The following CNKSR2 variants were observed in gnomAD, a reference collection of about 807,000 sequenced individuals.
CNKSR2 encodes the protein connector enhancer of kinase suppressor of Ras 2.
In CNKSR2, 14 loss-of-function variants were observed where a neutral mutation model predicts 84.4. The observed-to-expected ratio is 0.17, with a 90% CI of 0.11 to 0.26. CNKSR2 has a LOEUF of 0.26. Ranked by LOEUF, CNKSR2 falls within the 10% of genes least tolerant of loss-of-function variation. CNKSR2 has a pLI of 1.00. For missense variants in CNKSR2, 485 were observed against 771.2 expected (o/e 0.63, Z 4.40); for synonymous variants, 275 against 277.9 (o/e 0.99, Z 0.10).
chrX:21,537,789 T>G (rs2091942564), intron 11 of CNKSR2: 1 of 109,120 alleles, frequency 9.2e-6, no homozygotes. Flanking sequence ...GGGTCTTGTT[T>G]TTTTTTTTTT....
At chrX:21,544,066 A>G (rs2092000442) in intron 11 of CNKSR2, among the ~76,000 whole-genome samples, 1 of 112,017 alleles carries the variant, frequency 8.9e-6, no homozygotes, top group Non-Finnish European at 1.9e-5. Flanking sequence ...GCTGCTCATA[A>G]ATAAAAATGT....
chrX:21,542,524 A>T (rs1280408965), intron 11 of CNKSR2, among the ~76,000 whole-genome samples: 1 of 111,958 alleles, frequency 8.9e-6, no homozygotes, highest in Non-Finnish European at 1.9e-5. Context: ...CATTTTAACT[A>T]TATAGGGTCT....
chrX:21,459,915 C>T (rs1021510464), intron 4 of CNKSR2, among the ~76,000 whole-genome samples: 6 of 111,654 alleles, frequency 5.4e-5, no homozygotes, highest in Non-Finnish European at 1.9e-5. Context: ...TCATTTTTCT[C>T]TGACTCTTAC....
intron 6 of CNKSR2, chrX:21,491,759 TC>T (rs2091444858): frequency 8.9e-6 from 1 of 112,054 alleles, no homozygotes; most frequent in African/African-American, 3.2e-5. Flanking sequence ...GTAATTATAA[TC>T]TAAAATTTTT....
intron 20 of CNKSR2, among the ~76,000 whole-genome samples, chrX:21,611,908 C>G (rs1403396103): frequency 8.9e-6 from 1 of 111,796 alleles, no homozygotes; most frequent in Non-Finnish European, 1.9e-5. Flanking sequence ...CTTTCAGGCC[C>G]CATTTCTTTC....
chrX:21,392,113 A>G (rs987259883), intron 1 of CNKSR2, among the ~76,000 whole-genome samples: 2 of 111,797 alleles, frequency 1.8e-5, no homozygotes, highest in African/African-American at 3.3e-5. Flanking sequence ...TTGACTGTCC[A>G]TATCACTATC....
intron 13 of CNKSR2, among the ~76,000 whole-genome samples, chrX:21,583,784 A>C (rs988225383): frequency 3.6e-5 from 4 of 111,679 alleles, no homozygotes; most frequent in Non-Finnish European, 7.5e-5. Flanking sequence ...TTTGAGGATA[A>C]GAATGACCCA....
chrX:21,578,602 C>T (rs1268086155), intron 13 of CNKSR2, among the ~76,000 whole-genome samples: 1 of 106,393 alleles, frequency 9.4e-6, no homozygotes, highest in East Asian at 2.9e-4. Flanking sequence ...AAATTATTTC[C>T]ACTGTGCTGA....
intron 17 of CNKSR2, among the ~76,000 whole-genome samples, chrX:21,596,590 G>T (rs2092452036): frequency 9.1e-6 from 1 of 110,142 alleles, no homozygotes; most frequent in Non-Finnish European, 1.9e-5. Flanking sequence ...AAATTTGCTT[G>T]AACATACTAA....
intron 1 of CNKSR2, among the ~76,000 whole-genome samples, chrX:21,388,520 CAAT>C (rs1425260693): frequency 9.0e-6 from 1 of 111,697 alleles, no homozygotes; most frequent in Non-Finnish European, 1.9e-5. Context: ...TCAAAAAACA[CAAT>C]GATGAGGGCA....
intron 4 of CNKSR2, among the ~76,000 whole-genome samples, chrX:21,457,918 A>G (rs1402617106): frequency 4.5e-5 from 5 of 111,933 alleles, no homozygotes; most frequent in Non-Finnish European, 9.4e-5. Flanking sequence ...GCTCTTGACA[A>G]CTCTACAAAG....
chrX:21,449,366 T>C (rs1326383667), intron 4 of CNKSR2, among the ~76,000 whole-genome samples: 1 of 107,742 alleles, frequency 9.3e-6, no homozygotes, highest in Non-Finnish European at 1.9e-5. Flanking sequence ...TAGCAGAATG[T>C]AACCTTAGGT....
At position 21,424,152 on chromosome X, in the gene CNKSR2, A is replaced by G. The variant is rs149657926; in HGVS notation, c.65-2345A>G. The G allele has an allele frequency of 1.5e-4, 17 of 111,285 alleles. No individual in the cohort carries two copies. The East Asian group carries it at 4.8e-3, about 32-fold the overall frequency. The allele number at this position is 111,285 out of a possible 1,213,427, so 9.2% of individuals were successfully genotyped here. A position where few individuals can be genotyped will look rare whatever the true frequency, so the allele number is the denominator to read the frequency against. ...AATTGGTATAACAGCAGTCTCTTTGACACGACTTGGCATCTTTCTGTTTAC... is the reference window on the plus strand; with the variant it reads ...AATTGGTATAACAGCAGTCTCTTTGGCACGACTTGGCATCTTTCTGTTTAC... On this transcript the variant is annotated intron_variant, in intron 1 of 21. Coordinates refer to ENST00000379510, the MANE Select transcript of CNKSR2 (RefSeq NM_014927.5).
At chrX:21,462,423 A>G (rs1456609801) in intron 4 of CNKSR2, among the ~76,000 whole-genome samples, 1 of 111,737 alleles carries the variant, frequency 8.9e-6, no homozygotes, top group Non-Finnish European at 1.9e-5. Flanking sequence ...CAATTCTAAT[A>G]GTTTTTTCTT....
intron 1 of CNKSR2, among the ~76,000 whole-genome samples, chrX:21,404,164 G>A (rs1443803278): frequency 8.9e-6 from 1 of 111,739 alleles, no homozygotes; most frequent in Non-Finnish European, 1.9e-5. Flanking sequence ...GAGGAGAGAT[G>A]CAAGATGCTT....
intron 13 of CNKSR2, among the ~76,000 whole-genome samples, chrX:21,586,020 TA>T (rs1489060529): frequency 9.0e-6 from 1 of 110,669 alleles, no homozygotes; most frequent in African/African-American, 3.3e-5. Context: ...TAAAATGAAA[TA>T]AAAGATATGG....
intron 20 of CNKSR2, chrX:21,642,454 A>G: frequency 1.3e-6 from 1 of 749,330 alleles, no homozygotes; most frequent in Non-Finnish European, 1.6e-6. Flanking sequence ...CTAGCTTCAG[A>G]TATTATTTAA....
At chrX:21,375,766 C>T (rs1019125184) in intron 1 of CNKSR2, among the ~76,000 whole-genome samples, 2 of 112,018 alleles carry the variant, frequency 1.8e-5, no homozygotes, top group African/African-American at 6.5e-5. Flanking sequence ...GAAGGTTCCC[C>T]CTTTTGTCCC....
At chrX:21,649,359 A>G (rs2092715104) in intron 21 of CNKSR2, among the ~76,000 whole-genome samples, 1 of 112,344 alleles carries the variant, frequency 8.9e-6, no homozygotes, top group South Asian at 3.7e-4. Context: ...AATACCATGT[A>G]GTGTAATTAT....
Sources: gnomAD v4.1 joint callset for allele counts (sites outside exome capture counted in the v4.1 genomes callset) on GRCh38, gnomAD v4.1.1 for gene constraint, MANE v1.5 for transcripts, NCBI Gene and HGNC (gene_info 2026-07-23, HGNC 2026-07-21) for gene names.